The following HMGCLL1 variants were observed in gnomAD, a reference collection of about 807,000 sequenced individuals.
The protein encoded by HMGCLL1 is 3-hydroxymethyl-3-methylglutaryl-CoA lyase, cytoplasmic.
Under a neutral mutation model 39.1 loss-of-function variants are expected in HMGCLL1, and 36 were observed. That is an observed-to-expected ratio of 0.92 (90% CI 0.71 to 1.22). HMGCLL1 has a LOEUF of 1.22. Among genes scored for constraint, HMGCLL1 ranks in the 50% most tolerant of loss-of-function variants. HMGCLL1 has a pLI of 0.00. For synonymous variants in HMGCLL1, 149 were observed against 144.0 expected (o/e 1.03, Z -0.25); for missense variants, 451 against 416.5 (o/e 1.08, Z -0.72).
chr6:55,436,566 A>T (rs1209727014), intron 8 of HMGCLL1, among the ~76,000 whole-genome samples: 1 of 152,054 alleles, frequency 6.6e-6, no homozygotes, highest in East Asian at 1.9e-4. Flanking sequence ...ACTTGCCCTT[A>T]TGTGGCATTT....
the HMGCLL1 span, among the ~76,000 whole-genome samples, chr6:55,607,486 G>T: frequency 2.6e-5 from 4 of 152,136 alleles, no homozygotes; most frequent in African/African-American, 9.7e-5. Context: ...AAAGTCTTCA[G>T]CTGTCAGTCT....
At chr6:55,439,383 T>A (rs761921393) in intron 8 of HMGCLL1, 51 bp downstream of exon 8, 10 of 1,552,722 alleles carry the variant, frequency 6.4e-6, no homozygotes, top group Admixed American at 1.8e-5. Flanking sequence ...AGCTTTGCAA[T>A]TTGGAGCTGC....
At position 55,510,674 on chromosome 6, in the gene HMGCLL1, G is replaced by C. The variant is rs13193908; in HGVS notation, c.542+3374C>G. Among the ~76,000 whole-genome samples, 1,276 of 149,230 alleles carry C rather than the reference G, an allele frequency of 8.6e-3. 18 individuals carry two copies. Among genetic ancestry groups the C allele is most frequent in the African/African-American group, 0.03 (1,209 of 40,594 alleles). ...GGGGAGGGGGGAGGGATAGCATTAA[G>C]AGATATACCTAATGCTAAATGATGA... On this transcript the variant is annotated intron_variant, in intron 5 of 8. Transcript: ENST00000274901.
At chr6:55,668,702 C>A in the HMGCLL1 span, among the ~76,000 whole-genome samples, 7 of 151,796 alleles carry the variant, frequency 4.6e-5, no homozygotes, top group East Asian at 3.9e-4. Flanking sequence ...TGTTAAAGAG[C>A]GAGCTTTAAG....
the HMGCLL1 span, among the ~76,000 whole-genome samples, chr6:55,649,750 T>C: frequency 6.6e-6 from 1 of 151,936 alleles, no homozygotes; most frequent in African/African-American, 2.4e-5. Flanking sequence ...CTAGATCTTC[T>C]TGGTATGCTT....
At chr6:55,672,131 AT>A in the HMGCLL1 span, among the ~76,000 whole-genome samples, 1 of 151,654 alleles carries the variant, frequency 6.6e-6, no homozygotes, top group Admixed American at 6.6e-5. Context: ...AGAATGCATT[AT>A]TTTTTCAAAT....
chr6:55,677,914 G>A, the HMGCLL1 span, among the ~76,000 whole-genome samples: 36 of 152,206 alleles, frequency 2.4e-4, no homozygotes, highest in South Asian at 8.3e-4. Flanking sequence ...TATCTGTAAC[G>A]TGTAAGAACT....
upstream of HMGCLL1, among the ~76,000 whole-genome samples, chr6:55,580,507 C>A (rs114354702): frequency 0.086 from 12,769 of 149,306 alleles, 740 homozygotes; most frequent in Non-Finnish European, 0.13. Context: ...GCTTCTCCCC[C>A]CAGGTTCACG....
intron 3 of HMGCLL1, among the ~76,000 whole-genome samples, chr6:55,518,280 T>C (rs1767852801): frequency 6.6e-6 from 1 of 152,106 alleles, no homozygotes; most frequent in Admixed American, 6.6e-5. Flanking sequence ...GTAAATGAGA[T>C]CACAGATTAT....
chr6:55,493,744 T>TG (rs1344502972), intron 7 of HMGCLL1, among the ~76,000 whole-genome samples: 18 of 151,726 alleles, frequency 1.2e-4, no homozygotes, highest in South Asian at 4.2e-4. Flanking sequence ...TTTTTGTTTT[T>TG]TTTTTTGAGA....
At chr6:55,495,870 A>C (rs1382479130) in intron 6 of HMGCLL1, among the ~76,000 whole-genome samples, 1 of 152,020 alleles carries the variant, frequency 6.6e-6, no homozygotes, top group African/African-American at 2.4e-5. Flanking sequence ...TTATCCAGCT[A>C]TTTGTTCTAC....
At chr6:55,589,773 G>A in the HMGCLL1 span, among the ~76,000 whole-genome samples, 2 of 152,116 alleles carry the variant, frequency 1.3e-5, no homozygotes, top group Non-Finnish European at 2.9e-5. Flanking sequence ...CAAACAGAGA[G>A]CCAAATCATG....
chr6:55,490,806 C>G (rs1018203490), intron 7 of HMGCLL1, among the ~76,000 whole-genome samples: 14 of 130,780 alleles, frequency 1.1e-4, no homozygotes, highest in Middle Eastern at 3.5e-3. Flanking sequence ...AATTGATCAC[C>G]TATTGCCAAA....
At chr6:55,485,479 TGTAAA>T (rs76054407) in intron 7 of HMGCLL1, among the ~76,000 whole-genome samples, 9,055 of 151,942 alleles carry the variant, frequency 0.06, 293 homozygotes, top group East Asian at 0.16. Flanking sequence ...TAAATATAAA[TGTAAA>T]GTACATATGC....
chr6:55,464,431 A>G (rs183735382), intron 7 of HMGCLL1, among the ~76,000 whole-genome samples: 1 of 152,292 alleles, frequency 6.6e-6, no homozygotes, highest in East Asian at 1.9e-4. Flanking sequence ...GCTTCTGTGT[A>G]CATACATGGA....
At chr6:55,556,448 C>T (rs1770671520) in intron 1 of HMGCLL1, among the ~76,000 whole-genome samples, 1 of 152,086 alleles carries the variant, frequency 6.6e-6, no homozygotes, top group Non-Finnish European at 1.5e-5. Flanking sequence ...GGGAAATGTG[C>T]CCAGGGTGTT....
chr6:55,520,246 T>TAATAAATAAATA (rs34163936), intron 3 of HMGCLL1, among the ~76,000 whole-genome samples: 1,901 of 143,936 alleles, frequency 0.013, 22 homozygotes, highest in Middle Eastern at 0.043. Flanking sequence ...TAAAGTATAA[T>TAATAAATAAATA]AATAAATAAA....
chr6:55,560,283 TA>T (rs1439078867), intron 1 of HMGCLL1, among the ~76,000 whole-genome samples: 1 of 152,150 alleles, frequency 6.6e-6, no homozygotes, highest in Non-Finnish European at 1.5e-5. Flanking sequence ...AGCAAAACTA[TA>T]AAGGTGTAAT....
At chr6:55,535,705 C>A (rs1439745339) in intron 3 of HMGCLL1, among the ~76,000 whole-genome samples, 1 of 152,090 alleles carries the variant, frequency 6.6e-6, no homozygotes, top group Non-Finnish European at 1.5e-5. Context: ...TAAATTTCAC[C>A]AGGAACCTCT....
Sources: gnomAD v4.1 joint callset for allele counts (sites outside exome capture counted in the v4.1 genomes callset) on GRCh38, gnomAD v4.1.1 for gene constraint, MANE v1.5 for transcripts, NCBI Gene and HGNC (gene_info 2026-07-23, HGNC 2026-07-21) for gene names.